Variants in SAMTOR observed in about 807,000 individuals in gnomAD.
SAMTOR encodes S-adenosylmethionine sensor upstream of mTORC1.
chr7:112,849,579 T>C, the SAMTOR span, among the ~76,000 whole-genome samples: 1 of 152,198 alleles, frequency 6.6e-6, no homozygotes, highest in East Asian at 1.9e-4. Context: ...CCAATTTGGA[T>C]GCCCTTTATT....
the SAMTOR span, among the ~76,000 whole-genome samples, chr7:112,918,141 G>A: frequency 0.98 from 149,122 of 152,230 alleles, 73,098 homozygotes; most frequent in East Asian, 1. Flanking sequence ...AAGACACATA[G>A]TTGTCAGATT....
chr7:112,939,701 C>T, the SAMTOR span: 1 of 1,611,324 alleles, frequency 6.2e-7, no homozygotes, highest in Admixed American at 1.7e-5. Flanking sequence ...GTTCGGGGAC[C>T]CGGCCCTCTG....
the SAMTOR span, among the ~76,000 whole-genome samples, chr7:112,873,204 TA>T: frequency 5.4e-5 from 8 of 147,574 alleles, no homozygotes; most frequent in East Asian, 2.0e-4. Context: ...TTCACAGAAT[TA>T]AAAAAAAAAC....
chr7:112,937,156 C>T, the SAMTOR span, among the ~76,000 whole-genome samples: 1 of 152,122 alleles, frequency 6.6e-6, no homozygotes, highest in Non-Finnish European at 1.5e-5. Flanking sequence ...AGGTAGAATA[C>T]AGGAATTGTC....
chr7:112,867,313 C>T, the SAMTOR span, among the ~76,000 whole-genome samples: 79 of 152,268 alleles, frequency 5.2e-4, no homozygotes, highest in African/African-American at 1.8e-3. Context: ...AAAATTCAAT[C>T]GTGTACTCAA....
At chr7:112,915,210 C>G in the SAMTOR span, 1 of 1,261,150 alleles carries the variant, frequency 7.9e-7, no homozygotes, top group Non-Finnish European at 1.1e-6. Flanking sequence ...GCACTCCAGC[C>G]TGGGTGACAG....
the SAMTOR span, among the ~76,000 whole-genome samples, chr7:112,839,933 A>T: frequency 3.3e-5 from 5 of 151,900 alleles, no homozygotes; most frequent in Non-Finnish European, 7.4e-5. Context: ...GATATCTCTC[A>T]TAAGAGCATA....
chr7:112,919,482 C>A, the SAMTOR span, among the ~76,000 whole-genome samples: 1 of 151,362 alleles, frequency 6.6e-6, no homozygotes, highest in Admixed American at 6.6e-5. Flanking sequence ...ACTAAATGCC[C>A]ACAAGAGAAA....
At chr7:112,822,387 A>G in the SAMTOR span, 3 of 1,562,942 alleles carry the variant, frequency 1.9e-6, no homozygotes, top group Non-Finnish European at 2.6e-6. Context: ...CAGAAACAGA[A>G]AACAAGGCAT....
At chr7:112,923,503 C>G in the SAMTOR span, among the ~76,000 whole-genome samples, 1 of 151,162 alleles carries the variant, frequency 6.6e-6, no homozygotes, top group Non-Finnish European at 1.5e-5. Context: ...TAAATAAATA[C>G]TCAAAAACAA....
At chr7:112,936,536 T>G in the SAMTOR span, among the ~76,000 whole-genome samples, 4 of 152,346 alleles carry the variant, frequency 2.6e-5, no homozygotes, top group East Asian at 7.7e-4. Flanking sequence ...CTAGCATCAG[T>G]TGGGCAAATG....
chr7:112,824,959 C>T, the SAMTOR span, among the ~76,000 whole-genome samples: 7 of 152,116 alleles, frequency 4.6e-5, no homozygotes, highest in Non-Finnish European at 1.0e-4. Context: ...CTTTGAATTT[C>T]CACACAGATT....
the SAMTOR span, among the ~76,000 whole-genome samples, chr7:112,919,431 T>C: frequency 6.6e-6 from 1 of 151,852 alleles, no homozygotes; most frequent in Non-Finnish European, 1.5e-5. Context: ...CCAGAATCTC[T>C]GGGACACATT....
At chr7:112,914,276 GTTTTTTTT>G in the SAMTOR span, among the ~76,000 whole-genome samples, 1 of 131,004 alleles carries the variant, frequency 7.6e-6, no homozygotes, top group Non-Finnish European at 1.6e-5. Flanking sequence ...TTAGCCTCTA[GTTTTTTTT>G]TTTTTTTTTT....
chr7:112,837,174 A>G, the SAMTOR span, among the ~76,000 whole-genome samples: 1 of 151,954 alleles, frequency 6.6e-6, no homozygotes, highest in Non-Finnish European at 1.5e-5. Context: ...GCTGTATTCT[A>G]GGTATTTTAT....
the SAMTOR span, among the ~76,000 whole-genome samples, chr7:112,917,991 T>C: frequency 3.9e-4 from 59 of 152,274 alleles, no homozygotes; most frequent in African/African-American, 1.3e-3. Context: ...CTGAAAGTGA[T>C]GGGGAGAATG....
chr7:112,930,806 T>C, the SAMTOR span, among the ~76,000 whole-genome samples: 1 of 152,236 alleles, frequency 6.6e-6, no homozygotes, highest in African/African-American at 2.4e-5. Flanking sequence ...TTTTACTTTA[T>C]AGATGAGGAA....
At chr7:112,910,114 C>T in the SAMTOR span, among the ~76,000 whole-genome samples, 7,830 of 151,922 alleles carry the variant, frequency 0.052, 271 homozygotes, top group Non-Finnish European at 0.076. Flanking sequence ...TAAACTTTGA[C>T]TGGGCTCCTG....
At chr7:112,885,379 A>G in the SAMTOR span, among the ~76,000 whole-genome samples, 1 of 152,168 alleles carries the variant, frequency 6.6e-6, no homozygotes, top group Non-Finnish European at 1.5e-5. Context: ...TTTCTATCAT[A>G]TCATCAGGCT....
Sources: allele counts gnomAD v4.1 joint callset (sites outside exome capture counted in the v4.1 genomes callset), GRCh38; gene constraint gnomAD v4.1.1; transcripts MANE v1.5; gene names NCBI Gene and HGNC (gene_info 2026-07-23, HGNC 2026-07-21).